ZFHX3: variants seen among roughly 807,000 people sequenced by gnomAD.
The protein encoded by ZFHX3 is zinc finger homeobox 3.
A neutral mutation model predicts 279.1 loss-of-function variants in ZFHX3; 42 were observed. That is an observed-to-expected ratio of 0.15 (90% confidence interval 0.12 to 0.19). The LOEUF (loss-of-function observed/expected upper bound fraction) is 0.19. ZFHX3 is among the 10% of genes least tolerant of loss of function. The pLI, the probability that ZFHX3 is intolerant of heterozygous loss-of-function variation, is 1.00. For synonymous variants in ZFHX3, 2,293 were observed against 1,957.8 expected (o/e 1.17, Z -4.52); for missense variants, 4,981 against 4,754.0 (o/e 1.05, Z -1.40).
At chr16:73,550,021 C>G (rs1202665828) in intron 2 of ZFHX3, among the ~76,000 whole-genome samples, 1 of 151,796 alleles carries the variant, frequency 6.6e-6, no homozygotes, top group African/African-American at 2.4e-5. Context: ...TCAAGCTGTT[C>G]AGACGGGCGA....
Position 73,303,974 on chromosome 16 carries a change from A to G in ZFHX3, c.-1194+14266T>C, listed in dbSNP as rs1320365515. ...AAAAACCCTAGGTGGAAAAAAAAAAAAAAAAAAAAAAAAAAAGAAATGTAG... is the reference window on the plus strand; with the variant it reads ...AAAAACCCTAGGTGGAAAAAAAAAAGAAAAAAAAAAAAAAAAGAAATGTAG... On this transcript the variant is annotated intron_variant, in intron 4 of 17. Transcript: ENST00000641206. Among the ~76,000 whole-genome samples, 34 of 124,308 alleles carry G rather than the reference A, an allele frequency of 2.7e-4. 1 individual carries two copies. In the East Asian group the frequency reaches 9.3e-3, roughly 34 times the overall value. The allele number at this position is 124,308 out of a possible 152,430, so 81.6% of individuals were successfully genotyped here. A position where few individuals can be genotyped will look rare whatever the true frequency, so the allele number is the denominator to read the frequency against.
chr16:72,973,173 C>A (rs985034792), intron 1 of ZFHX3, among the ~76,000 whole-genome samples: 5 of 152,202 alleles, frequency 3.3e-5, no homozygotes, highest in Non-Finnish European at 5.9e-5. Flanking sequence ...CAGCATGGCT[C>A]AACATGTCCA....
intron 1 of ZFHX3, among the ~76,000 whole-genome samples, chr16:73,707,851 A>G (rs572292610): frequency 6.6e-6 from 1 of 152,240 alleles, no homozygotes; most frequent in East Asian, 1.9e-4. Context: ...GATTCAGAAG[A>G]AGGATTAATT....
chr16:73,661,111 G>A (rs2052778783), intron 2 of ZFHX3, among the ~76,000 whole-genome samples: 1 of 152,120 alleles, frequency 6.6e-6, no homozygotes, highest in Non-Finnish European at 1.5e-5. Context: ...AACTTCTATG[G>A]ACATTTTACT....
chr16:73,668,397 T>C (rs1033904703), intron 2 of ZFHX3, among the ~76,000 whole-genome samples: 1 of 152,070 alleles, frequency 6.6e-6, no homozygotes, highest in Non-Finnish European at 1.5e-5. Flanking sequence ...TGGTGGTTGG[T>C]TGCACCCATC....
intron 1 of ZFHX3, among the ~76,000 whole-genome samples, chr16:73,745,597 G>A (rs1350846275): frequency 1.3e-5 from 2 of 152,186 alleles, no homozygotes; most frequent in African/African-American, 4.8e-5. Flanking sequence ...AACCAAATGC[G>A]TGTATAGCCA....
intron 1 of ZFHX3, among the ~76,000 whole-genome samples, chr16:73,008,511 T>C (rs1963794894): frequency 6.6e-6 from 1 of 151,906 alleles, no homozygotes; most frequent in South Asian, 2.1e-4. Flanking sequence ...GTGATGGCCA[T>C]ATCTACAGAC....
intron 3 of ZFHX3, among the ~76,000 whole-genome samples, chr16:72,890,860 T>C (rs895617316): frequency 6.6e-6 from 1 of 152,264 alleles, no homozygotes; most frequent in Admixed American, 6.5e-5. Flanking sequence ...ACATCAGAGT[T>C]GAACAGTTAT....
rs56199536 is a variant in ZFHX3, at chr16:73,308,224, CATAT to C, written c.-1194+10012_-1194+10015del. Among the ~76,000 whole-genome samples, 286 of 108,218 alleles carry C rather than the reference CATAT, an allele frequency of 2.6e-3. 1 individual carries two copies. The highest frequency in any genetic ancestry group is 4.6e-3 in the Middle Eastern group (1 of 218). The allele number at this position is 108,218 out of a possible 152,430, so 71.0% of individuals were successfully genotyped here. On this transcript the variant is annotated intron_variant, in intron 4 of 17. Coordinates refer to the ZFHX3 transcript ENST00000641206. ...TTGAGTTATCTGAGCCATATGCATG[CATAT>C]ATATATATATATATATATATATATA...
intron 3 of ZFHX3, among the ~76,000 whole-genome samples, chr16:72,946,599 A>C (rs953081096): frequency 1.3e-5 from 2 of 152,314 alleles, no homozygotes; most frequent in African/African-American, 4.8e-5. Flanking sequence ...AAAGCAGCAC[A>C]CATTTCAGAG....
chr16:73,469,852 G>A (rs1366001761), intron 2 of ZFHX3, among the ~76,000 whole-genome samples: 2 of 152,084 alleles, frequency 1.3e-5, no homozygotes, highest in East Asian at 1.9e-4. Context: ...TCCTGACCTC[G>A]TGATGCACCC....
At position 73,799,924 on chromosome 16, in the gene ZFHX3, A is replaced by C. The variant is rs572450261; in HGVS notation, c.-1608+91727T>G. Among the ~76,000 whole-genome samples the C allele has an allele frequency of 1.6e-4, 24 of 152,310 alleles. No homozygotes were observed. In the South Asian group the frequency reaches 4.4e-3, roughly 28 times the overall value. ...ACAACAACGACTTAAGGCCAGGTGT[A>C]GTGCCCTCATCTGGAATCCCAACAC... On this transcript the variant is annotated intron_variant, in intron 1 of 17. Transcript: ENST00000641206.
intron 4 of ZFHX3, among the ~76,000 whole-genome samples, chr16:72,877,442 TG>T (rs1287903723): frequency 5.9e-5 from 9 of 152,226 alleles, no homozygotes; most frequent in African/African-American, 2.2e-4. Flanking sequence ...CACGGTCTTC[TG>T]TATGAAGATG....
chr16:73,698,953 C>T (rs764403185), intron 1 of ZFHX3, among the ~76,000 whole-genome samples: 3 of 152,070 alleles, frequency 2.0e-5, no homozygotes, highest in Non-Finnish European at 4.4e-5. Flanking sequence ...GGCGTGATCT[C>T]GGCTTACTGC....
At chr16:73,635,796 CCTTT>C (rs1330367535) in intron 2 of ZFHX3, among the ~76,000 whole-genome samples, 1 of 152,200 alleles carries the variant, frequency 6.6e-6, no homozygotes, top group Non-Finnish European at 1.5e-5. Flanking sequence ...ATAGACACTT[CCTTT>C]GACTTTCCCA....
chr16:73,763,056 T>G (rs928478024), intron 1 of ZFHX3, among the ~76,000 whole-genome samples: 1 of 152,172 alleles, frequency 6.6e-6, no homozygotes. Flanking sequence ...TGTATTGTAA[T>G]AAAATATTGC....
Position 72,958,790 on chromosome 16 carries a change from G to T in ZFHX3, c.1356C>A (p.Phe452Leu). The stretch of plus-strand genomic sequence containing the variant: ...CTTCGGCTGGCTCTACCTTCTCAGA[G>T]AAGCAATCCCCGTCGCCCACTTCCT... Reference protein sequence around the residue: ...EKQEVGDGDCFSEKVEPAEEE... With the variant: ...EKQEVGDGDCLSEKVEPAEEE... Residue 452 changes from phenylalanine to leucine, a missense_variant, in exon 2 of 10, where the codon TTC becomes TTA. Around this residue, in one of 7 missense-constraint regions of ZFHX3, gnomAD observed 1,068 missense variants for 935.2 expected, o/e 1.14. Transcript: ENST00000268489. The T allele has an allele frequency of 6.2e-7, 1 of 1,614,072 alleles. No homozygotes were observed. Among genetic ancestry groups the T allele is most frequent in the Admixed American group, 1.7e-5 (1 of 60,016 alleles).
intron 3 of ZFHX3, among the ~76,000 whole-genome samples, chr16:73,337,851 T>A (rs1409706324): frequency 6.9e-6 from 1 of 145,920 alleles, no homozygotes; most frequent in Non-Finnish European, 1.5e-5. Context: ...AGCTTACTCT[T>A]TCTAGTTTTC....
chr16:73,590,000 A>T (rs1446842447), intron 2 of ZFHX3, among the ~76,000 whole-genome samples: 3 of 152,162 alleles, frequency 2.0e-5, no homozygotes, highest in Non-Finnish European at 4.4e-5. Context: ...CACTGTTTTC[A>T]GTAATTGTAT....
Sources: allele counts gnomAD v4.1 joint callset (sites outside exome capture counted in the v4.1 genomes callset), GRCh38; gene constraint gnomAD v4.1.1; regional missense constraint gnomAD v4.1.1; transcripts MANE v1.5; gene names NCBI Gene and HGNC (gene_info 2026-07-23, HGNC 2026-07-21).